The following TMPRSS3 variants were observed in gnomAD, a reference collection of about 807,000 sequenced individuals.
The protein encoded by TMPRSS3 is transmembrane protease serine 3.
Under a neutral mutation model 59.6 loss-of-function variants are expected in TMPRSS3, and 55 were observed. That is an observed-to-expected ratio of 0.92 (90% CI 0.74 to 1.16). TMPRSS3 has a LOEUF of 1.16. Among genes scored for constraint, TMPRSS3 ranks in the 50% most tolerant of loss-of-function variants. The pLI is 0.00. For synonymous variants in TMPRSS3, 257 were observed against 237.7 expected (o/e 1.08, Z -0.75); for missense variants, 596 against 579.4 (o/e 1.03, Z -0.29).
Position 42,389,049 on chromosome 21 carries a change from G to A in TMPRSS3, c.206-4C>T. Reference sequence around the variant, plus strand: ...TTCCCTGAGCAGTCGAAGTGGACTGGGAAAAGGGAGGAAGGCAGGAATTAA... The same window carrying A: ...TTCCCTGAGCAGTCGAAGTGGACTGAGAAAAGGGAGGAAGGCAGGAATTAA... On this transcript the variant is annotated splice_region_variant and splice_polypyrimidine_tract_variant and intron_variant, in intron 3 of 12. Coordinates refer to ENST00000644384, the MANE Select transcript of TMPRSS3 (RefSeq NM_001256317.3). 1 of 1,614,072 alleles carries A rather than the reference G, an allele frequency of 6.2e-7. No homozygotes were observed. Among genetic ancestry groups the A allele is most frequent in the Non-Finnish European group, 8.5e-7 (1 of 1,180,012 alleles).
intron 2 of TMPRSS3, among the ~76,000 whole-genome samples, chr21:42,391,176 G>C (rs1302422335): frequency 6.6e-6 from 1 of 152,204 alleles, no homozygotes; most frequent in Non-Finnish European, 1.5e-5. Flanking sequence ...TCCCAGAGGA[G>C]ATGCAAGGAC....
chr21:42,389,139 C>T (rs1568889491), intron 3 of TMPRSS3, 94 bp from the exon 4 acceptor site: 17 of 1,577,658 alleles, frequency 1.1e-5, no homozygotes, highest in East Asian at 9.3e-5. Flanking sequence ...GGAGCTGGCC[C>T]GTGAATAATG....
intron 9 of TMPRSS3, among the ~76,000 whole-genome samples, chr21:42,381,488 G>C (rs2052527659): frequency 6.6e-6 from 1 of 152,224 alleles, no homozygotes; most frequent in African/African-American, 2.4e-5. Context: ...CTGGCTGAGT[G>C]ACCCCTCCAC....
At chr21:42,395,891 C>T in intron 1 of TMPRSS3, 51 bp downstream of exon 1, 3 of 508,738 alleles carry the variant, frequency 5.9e-6, no homozygotes, top group South Asian at 4.3e-5. Context: ...GCAATTCTTT[C>T]CCTGTGCGTG....
intron 12 of TMPRSS3, 40 bp from the exon 13 acceptor site, chr21:42,372,819 C>A (rs1271197791): frequency 3.1e-6 from 5 of 1,613,090 alleles, no homozygotes; most frequent in Non-Finnish European, 4.2e-6. Context: ...TTTAGCACTT[C>A]CAGCCATCCG....
chr21:42,395,614 G>T, intron 1 of TMPRSS3, 146 bp from the exon 2 acceptor site: 1 of 513,702 alleles, frequency 1.9e-6, no homozygotes. Context: ...GTCATCTGGT[G>T]AGAATGCATT....
At position 42,385,769 on chromosome 21, in the gene TMPRSS3, GC is replaced by G. The variant is rs983758397; in HGVS notation, c.447-236del. Among the ~76,000 whole-genome samples, 222 of 152,296 alleles carry G rather than the reference GC, an allele frequency of 1.5e-3. 4 individuals are homozygous for G. Among genetic ancestry groups the G allele is most frequent in the Non-Finnish European group, 5.3e-4 (36 of 68,026 alleles). On this transcript the variant is annotated intron_variant, in intron 5 of 12. Transcript: ENST00000644384. ...CCCCGCTTCTGGCCTGTACCTGACAGCCCCGTCCACCCACCCTGGGCTGCAG... is the reference window on the plus strand; with the variant it reads ...CCCCGCTTCTGGCCTGTACCTGACAGCCCGTCCACCCACCCTGGGCTGCAG...
intron 8 of TMPRSS3, chr21:42,382,513 C>T: frequency 2.0e-6 from 1 of 495,758 alleles, no homozygotes; most frequent in Non-Finnish European, 3.7e-6. Flanking sequence ...TGCAAGGAGT[C>T]TATCAGGCAC....
intron 9 of TMPRSS3, 114 bp downstream of exon 9, chr21:42,381,951 T>C (rs778749578): frequency 1.5e-6 from 2 of 1,353,996 alleles, no homozygotes; most frequent in Non-Finnish European, 2.1e-6. Flanking sequence ...GTTGGAATTA[T>C]TAATATCTGA....
chr21:42,389,797 C>G (rs185685090), intron 3 of TMPRSS3, 130 bp downstream of exon 3: 3 of 768,744 alleles, frequency 3.9e-6, no homozygotes, highest in Non-Finnish European at 6.9e-6. Context: ...GTCAGCAAAC[C>G]AAAAGGATGT....
At chr21:42,391,325 C>G (rs1162113463) in intron 2 of TMPRSS3, among the ~76,000 whole-genome samples, 4 of 152,190 alleles carry the variant, frequency 2.6e-5, no homozygotes. Flanking sequence ...GGATTACAAG[C>G]GTGAGCCACC....
intron 6 of TMPRSS3, among the ~76,000 whole-genome samples, chr21:42,384,259 G>T (rs537931991): frequency 2.7e-4 from 41 of 151,952 alleles, no homozygotes; most frequent in Non-Finnish European, 5.1e-4. Context: ...GTATTTCTAA[G>T]CTTTAGATAG....
rs75632491 is a variant in TMPRSS3 at position 42,391,346 on chromosome 21, G to A, written c.95-1309C>T. Among the ~76,000 whole-genome samples, 1,055 of 152,292 alleles carry A rather than the reference G, an allele frequency of 6.9e-3. 11 individuals carry two copies. Among genetic ancestry groups the A allele is most frequent in the African/African-American group, 0.023 (951 of 41,570 alleles). ...CAAGCGTGAGCCACCATGTCCAGCC[G>A]AGGACAGGATGTTGATACACCATTC... On this transcript the variant is annotated intron_variant, in intron 2 of 12. Coordinates refer to ENST00000644384, the MANE Select transcript of TMPRSS3 (RefSeq NM_001256317.3).
In TMPRSS3 at chr21:42,383,089, G is replaced by A. The variant is rs533472191; in HGVS notation, c.726C>T (p.Cys242=). Residue 242 remains cysteine (C), a synonymous_variant, in exon 8 of 13, where the codon TGC becomes TGT. Transcript: ENST00000644384. ...ASLQFQGYHL[C]GGSVITPLWI... ...ACAGGGGCGTGATGACAGAGCCCCCGCACAGGTGGTAGCCCTGGAACTGAA... is the reference window on the plus strand; with the variant it reads ...ACAGGGGCGTGATGACAGAGCCCCCACACAGGTGGTAGCCCTGGAACTGAA... 3.7e-5 allele frequency: 59 copies of A among 1,614,180 alleles called. No homozygotes were observed. The highest frequency in any genetic ancestry group is 2.2e-4 in the South Asian group (20 of 91,084).
chr21:42,383,329 A>G, intron 7 of TMPRSS3, 131 bp from the exon 8 acceptor site: 2 of 989,464 alleles, frequency 2.0e-6, no homozygotes, highest in Non-Finnish European at 3.1e-6. Context: ...AGCAGCTCTA[A>G]GACAAGTGCT....
chr21:42,376,326 A>T (rs2052427571), intron 11 of TMPRSS3, among the ~76,000 whole-genome samples: 1 of 152,176 alleles, frequency 6.6e-6, no homozygotes, highest in East Asian at 1.9e-4. Context: ...GGGGAGCAGC[A>T]TGAGTCCCCT....
chr21:42,378,499 A>G (rs2052466905), intron 10 of TMPRSS3, among the ~76,000 whole-genome samples: 1 of 152,182 alleles, frequency 6.6e-6, no homozygotes, highest in African/African-American at 2.4e-5. Context: ...TGCTGTCCTT[A>G]TAAGACACAG....
At position 42,382,126 on chromosome 21, in the gene TMPRSS3, C is replaced by A. The variant is rs1380692364; in HGVS notation, c.891G>T (p.Lys297Asn). 1 of 1,614,202 alleles carries A rather than the reference C, an allele frequency of 6.2e-7. No individual in the cohort carries two copies. ...CGATGTCATTGCCCAGCCTCTTTGG[C>A]TTGTACTTGCTGTGGTAGACAATCT... ...VEKIVYHSKYKPKRLGNDIAL... is the reference protein window; with the variant it reads ...VEKIVYHSKYNPKRLGNDIAL... Residue 297 changes from lysine (K) to asparagine (N), a missense_variant, in exon 9 of 13, where the codon AAG becomes AAT. By Grantham distance (94) the Lys-to-Asn change is moderately conservative (BLOSUM62 0). Coordinates refer to ENST00000644384, the MANE Select transcript of TMPRSS3 (RefSeq NM_001256317.3).
chr21:42,375,754 C>G lies in TMPRSS3; in HGVS notation c.1306G>C (p.Val436Leu), dbSNP rs114904237. 6.2e-7 allele frequency: 1 copy of G among 1,613,780 alleles called. No individual in the cohort carries two copies. The highest frequency in any genetic ancestry group is 8.5e-7 in the Non-Finnish European group (1 of 1,180,032). ...TGGATCCAGTCCAGGAAGGAGGTGA[C>G]ACGGGTGTACACCCCAGGCTTGTTC... ...EVNKPGVYTR[V>L]TSFLDWIHEQ... The change falls in exon 12 of 13, where the codon GTC becomes CTC. Residue 436 changes from valine (V) to leucine (L), a missense_variant. Val to Leu is a conservative substitution (Grantham distance 32). Coordinates refer to ENST00000644384, the MANE Select transcript of TMPRSS3 (RefSeq NM_001256317.3).
Sources: gnomAD v4.1 joint callset for allele counts (sites outside exome capture counted in the v4.1 genomes callset) on GRCh38, gnomAD v4.1.1 for gene constraint, MANE v1.5 for transcripts, NCBI Gene and HGNC (gene_info 2026-07-23, HGNC 2026-07-21) for gene names.